The following COL6A6 variants were observed in gnomAD, a reference collection of about 807,000 sequenced individuals.
COL6A6 encodes collagen type VI alpha 6 chain.
Under a neutral mutation model 208.6 loss-of-function variants are expected in COL6A6, and 183 were observed. The observed-to-expected ratio is 0.88, with a 90% CI of 0.78 to 0.99. COL6A6 has a LOEUF of 0.99. Among genes scored for constraint, COL6A6 ranks in the 50% least tolerant of loss-of-function variants. COL6A6 has a pLI of 0.00. For missense variants in COL6A6, 2,816 were observed against 2,815.2 expected (o/e 1.00, Z -0.01); for synonymous variants, 973 against 1,011.8 (o/e 0.96, Z 0.73).
chr3:130,554,629 G>A (rs1210358378), intron 1 of COL6A6, among the ~76,000 whole-genome samples: 2 of 152,192 alleles, frequency 1.3e-5, no homozygotes, highest in Non-Finnish European at 2.9e-5. Flanking sequence ...GGCATTGGAG[G>A]TGTGGTGGAG....
chr3:130,562,221 G>A (rs2062907227), intron 2 of COL6A6, among the ~76,000 whole-genome samples: 1 of 152,174 alleles, frequency 6.6e-6, no homozygotes, highest in Non-Finnish European at 1.5e-5. Context: ...TCTATATCAT[G>A]TAAAAATGTA....
At chr3:130,563,687 G>A in intron 3 of COL6A6, 23 bp downstream of exon 3, 1 of 1,469,376 alleles carries the variant, frequency 6.8e-7, no homozygotes, top group Non-Finnish European at 9.3e-7. Context: ...TATGTGTATA[G>A]GAATGATGAT....
At chr3:130,606,051 T>C (rs2064174224) in intron 20 of COL6A6, among the ~76,000 whole-genome samples, 1 of 152,266 alleles carries the variant, frequency 6.6e-6, no homozygotes, top group African/African-American at 2.4e-5. Flanking sequence ...AGCCAAACTA[T>C]ATCAAATAGA....
chr3:130,597,232 C>T (rs779182698), intron 18 of COL6A6, among the ~76,000 whole-genome samples: 9 of 151,902 alleles, frequency 5.9e-5, no homozygotes, highest in African/African-American at 9.7e-5. Flanking sequence ...GCTTGGAGAA[C>T]GTAAGAGACA....
intron 1 of COL6A6, among the ~76,000 whole-genome samples, chr3:130,556,483 T>C (rs1420149756): frequency 1.3e-5 from 2 of 152,162 alleles, no homozygotes; most frequent in Admixed American, 6.5e-5. Context: ...TCTGTGAATA[T>C]TTTTAACTAC....
rs371945938 is a variant in COL6A6 at position 130,619,718 on chromosome 3, AAGT to A, written c.4816-2100_4816-2098del. On this transcript the variant is annotated intron_variant, in intron 23 of 36. Coordinates refer to ENST00000358511, the MANE Select transcript of COL6A6 (RefSeq NM_001102608.3). Reference sequence around the variant, plus strand: ...GGAATGGAAGAGGGAGGGGTACAGAAAGTAGACAGATTCTACTGTGGGCCTTGT... The same window carrying A: ...GGAATGGAAGAGGGAGGGGTACAGAAAGACAGATTCTACTGTGGGCCTTGT... Among the ~76,000 whole-genome samples, 728 of 152,240 alleles carry A rather than the reference AAGT, an allele frequency of 4.8e-3. 5 individuals are homozygous for A. Among genetic ancestry groups the A allele is most frequent in the Middle Eastern group, 0.027 (8 of 294 alleles).
intron 1 of COL6A6, among the ~76,000 whole-genome samples, chr3:130,531,744 T>A (rs1046751363): frequency 3.9e-5 from 6 of 152,208 alleles, no homozygotes; most frequent in African/African-American, 1.4e-4. Flanking sequence ...ATGATTTGAT[T>A]TGAGTCAAAA....
chr3:130,657,851 A>C (rs57908499), intron 33 of COL6A6, among the ~76,000 whole-genome samples: 3 of 152,010 alleles, frequency 2.0e-5, no homozygotes, highest in Admixed American at 1.3e-4. Context: ...AATCACAGGG[A>C]AAAACTAAAA....
intron 8 of COL6A6, 28 bp from the exon 9 acceptor site, chr3:130,581,533 T>G (rs2063420156): frequency 6.6e-7 from 1 of 1,513,656 alleles, no homozygotes; most frequent in Non-Finnish European, 9.0e-7. Context: ...GTTGATTTAT[T>G]AAGACATGCT....
At chr3:130,645,100 C>G (rs2065429339) in intron 32 of COL6A6, 98 bp downstream of exon 32, 1 of 1,147,576 alleles carries the variant, frequency 8.7e-7, no homozygotes, top group Non-Finnish European at 1.3e-6. Flanking sequence ...CCAAATGACA[C>G]AAATTTTATC....
At chr3:130,592,756 T>C (rs1451206660) in intron 15 of COL6A6, 34 bp downstream of exon 15, 3 of 1,537,078 alleles carry the variant, frequency 2.0e-6, no homozygotes, top group African/African-American at 2.8e-5. Flanking sequence ...TACCTACCCA[T>C]ATGTTATCTA....
intron 10 of COL6A6, among the ~76,000 whole-genome samples, chr3:130,586,083 T>G (rs1436683806): frequency 6.6e-6 from 1 of 152,246 alleles, no homozygotes; most frequent in Non-Finnish European, 1.5e-5. Flanking sequence ...GCCTCCCATG[T>G]AGCTGGGACC....
intron 17 of COL6A6, among the ~76,000 whole-genome samples, chr3:130,593,951 TG>T (rs1331743861): frequency 1.3e-5 from 2 of 152,160 alleles, no homozygotes; most frequent in East Asian, 3.8e-4. Context: ...ACAACCATCT[TG>T]GGCAAAGTGC....
chr3:130,663,538 C>T (rs1245491750), intron 35 of COL6A6, among the ~76,000 whole-genome samples: 3 of 152,086 alleles, frequency 2.0e-5, no homozygotes, highest in Non-Finnish European at 2.9e-5. Flanking sequence ...AGAAAGGAAT[C>T]ATAAGGCATT....
intron 8 of COL6A6, among the ~76,000 whole-genome samples, chr3:130,579,329 A>G (rs1283241752): frequency 3.3e-5 from 5 of 152,168 alleles, no homozygotes; most frequent in African/African-American, 1.2e-4. Flanking sequence ...TTGTATTTTT[A>G]CTTGGAAATA....
chr3:130,606,549 G>C (rs1415778285), intron 20 of COL6A6, among the ~76,000 whole-genome samples: 1 of 152,074 alleles, frequency 6.6e-6, no homozygotes, highest in Non-Finnish European at 1.5e-5. Context: ...CCTGATTCCT[G>C]GATTCCTTGG....
intron 28 of COL6A6, among the ~76,000 whole-genome samples, chr3:130,636,171 GAT>G (rs1163477086): frequency 1.3e-5 from 2 of 152,210 alleles, no homozygotes; most frequent in African/African-American, 2.4e-5. Context: ...CTTTTAATGA[GAT>G]ACATGCAGAA....
chr3:130,555,530 T>C (rs1332470347), intron 1 of COL6A6, among the ~76,000 whole-genome samples: 1 of 152,204 alleles, frequency 6.6e-6, no homozygotes, highest in Admixed American at 6.5e-5. Flanking sequence ...TTCTTTTTTT[T>C]CAATCTTTGT....
chr3:130,643,486 T>G (rs1467206617), intron 31 of COL6A6, among the ~76,000 whole-genome samples: 2 of 152,248 alleles, frequency 1.3e-5, no homozygotes, highest in African/African-American at 2.4e-5. Context: ...TGTTTGATTA[T>G]TTTTTGTTGG....
Sources: allele counts gnomAD v4.1 joint callset (sites outside exome capture counted in the v4.1 genomes callset), GRCh38; gene constraint gnomAD v4.1.1; transcripts MANE v1.5; gene names NCBI Gene and HGNC (gene_info 2026-07-23, HGNC 2026-07-21).